PLXNA2: variants seen among roughly 807,000 people sequenced by gnomAD.
The protein encoded by PLXNA2 is plexin A2.
A neutral mutation model predicts 193.5 loss-of-function variants in PLXNA2; 91 were observed. The observed-to-expected ratio is 0.47, with a 90% confidence interval of 0.40 to 0.56. PLXNA2 has a LOEUF of 0.56. Ranked by LOEUF, PLXNA2 falls within the 20% of genes least tolerant of loss-of-function variation. The pLI, the probability that PLXNA2 is intolerant of heterozygous loss-of-function variation, is 0.00. For missense variants in PLXNA2, 1,995 were observed against 2,503.2 expected (o/e 0.80, Z 4.33); for synonymous variants, 997 against 1,027.3 (o/e 0.97, Z 0.56).
chr1:208,035,721 A>G (rs1179518346), intron 26 of PLXNA2, among the ~76,000 whole-genome samples: 1 of 152,180 alleles, frequency 6.6e-6, no homozygotes, highest in Admixed American at 6.5e-5. Flanking sequence ...ATTTTTATGA[A>G]CTTTATAAGT....
At chr1:208,089,802 C>A (rs1429749406) in intron 9 of PLXNA2, among the ~76,000 whole-genome samples, 1 of 152,022 alleles carries the variant, frequency 6.6e-6, no homozygotes, top group Non-Finnish European at 1.5e-5. Context: ...ATTCTAGGAA[C>A]CCCTAAAGAG....
intron 3 of PLXNA2, among the ~76,000 whole-genome samples, chr1:208,201,037 C>A (rs896695286): frequency 5.9e-5 from 9 of 152,318 alleles, no homozygotes; most frequent in Admixed American, 3.3e-4. Context: ...TAGGAGGAGT[C>A]ACTCTAGCAG....
chr1:208,177,923 C>G (rs747895581), intron 3 of PLXNA2, among the ~76,000 whole-genome samples: 1 of 152,212 alleles, frequency 6.6e-6, no homozygotes, highest in Non-Finnish European at 1.5e-5. Flanking sequence ...AGACTTTGCC[C>G]GTCTCTGGTT....
chr1:208,048,961 T>TAGG (rs1267192202), intron 17 of PLXNA2, among the ~76,000 whole-genome samples: 2 of 152,196 alleles, frequency 1.3e-5, no homozygotes, highest in Non-Finnish European at 2.9e-5. Context: ...ACTGCCCCTT[T>TAGG]CCACACTATC....
intron 4 of PLXNA2, among the ~76,000 whole-genome samples, chr1:208,134,852 C>T (rs1668256700): frequency 1.3e-5 from 2 of 152,178 alleles, no homozygotes; most frequent in African/African-American, 4.8e-5. Context: ...TGTGACTCCC[C>T]ACGTTTTTTC....
chr1:208,093,224 G>A (rs1053092228), intron 8 of PLXNA2, among the ~76,000 whole-genome samples: 2 of 152,182 alleles, frequency 1.3e-5, no homozygotes, highest in African/African-American at 4.8e-5. Context: ...GTTTGAAATC[G>A]GCCATGGTGG....
At chr1:208,040,240 G>A (rs1215637662) in intron 22 of PLXNA2, 182 bp from the exon 23 acceptor site, 6 of 601,460 alleles carry the variant, frequency 1.0e-5, no homozygotes, top group Non-Finnish European at 1.8e-5. Context: ...GGGGGTAGGG[G>A]TGGCTTCTTT....
At chr1:208,234,267 A>C (rs1487740110) in intron 1 of PLXNA2, among the ~76,000 whole-genome samples, 9 of 152,158 alleles carry the variant, frequency 5.9e-5, no homozygotes. Flanking sequence ...CCCGGGTAAA[A>C]GGTACTATTA....
intron 4 of PLXNA2, among the ~76,000 whole-genome samples, chr1:208,134,764 C>A (rs190933449): frequency 6.6e-6 from 1 of 152,142 alleles, no homozygotes; most frequent in Non-Finnish European, 1.5e-5. Flanking sequence ...GAAGCCTTAT[C>A]GCCTGGACTA....
chr1:208,213,164 T>TAA lies in PLXNA2; in HGVS notation c.1189-2704_1189-2703dup, dbSNP rs57234892. Among the ~76,000 whole-genome samples the TAA allele has an allele frequency of 1.1e-3, 161 of 147,804 alleles. 2 individuals are homozygous for TAA. The highest frequency in any genetic ancestry group is 3.6e-3 in the African/African-American group (145 of 40,358). On this transcript the variant is annotated intron_variant, in intron 2 of 31. Transcript: ENST00000367033. The stretch of plus-strand genomic sequence containing the variant: ...TTGATTCTAGTATCTCCAGAACTAT[T>TAA]AAAAAAAAAAAAGATTTATTCTCAG...
chr1:208,143,567 A>G (rs894123513), intron 3 of PLXNA2, among the ~76,000 whole-genome samples: 41 of 152,194 alleles, frequency 2.7e-4, no homozygotes, highest in African/African-American at 8.2e-4. Flanking sequence ...CAGTTTTTCT[A>G]GTTGTTAGTT....
intron 4 of PLXNA2, among the ~76,000 whole-genome samples, chr1:208,136,912 C>A (rs1668317687): frequency 6.6e-6 from 1 of 152,196 alleles, no homozygotes; most frequent in South Asian, 2.1e-4. Flanking sequence ...ATGTGTCAGA[C>A]ATGATGCTGG....
At chr1:208,209,608 T>A (rs1468877510) in intron 3 of PLXNA2, among the ~76,000 whole-genome samples, 2 of 152,160 alleles carry the variant, frequency 1.3e-5, no homozygotes, top group Non-Finnish European at 2.9e-5. Context: ...AGGCCTCCCA[T>A]GCTGCCATCC....
At chr1:208,238,997 T>C (rs1242692362) in intron 1 of PLXNA2, among the ~76,000 whole-genome samples, 12 of 152,204 alleles carry the variant, frequency 7.9e-5, no homozygotes, top group Admixed American at 7.2e-4. Flanking sequence ...TCACAACCCA[T>C]GCATCCCAGC....
At chr1:208,114,821 A>AGT (rs745733371) in intron 4 of PLXNA2, among the ~76,000 whole-genome samples, 2 of 151,972 alleles carry the variant, frequency 1.3e-5, no homozygotes, top group Non-Finnish European at 2.9e-5. Flanking sequence ...TGAGTAGATG[A>AGT]GTGTGTGTGT....
rs572004360 is a variant in PLXNA2, at chr1:208,045,085, G to A, written c.3621C>T (p.Thr1207=). The A allele has an allele frequency of 3.2e-5, 51 of 1,614,116 alleles. No individual in the cohort carries two copies. Among genetic ancestry groups the A allele is most frequent in the Non-Finnish European group, 4.1e-5 (48 of 1,180,010 alleles). The change falls in exon 19 of 32, where the codon ACC becomes ACT. Residue 1207 remains threonine, a synonymous_variant. Coordinates refer to ENST00000367033, the MANE Select transcript of PLXNA2 (RefSeq NM_025179.4). ...TQLLCEPPNL[T]GQHKVMVHVG... ...CACTCACCATGACCTTGTGCTGCCC[G>A]GTGAGGTTGGGAGGCTCGCAGAGAA...
chr1:208,041,583 GC>G (rs1473812515), intron 22 of PLXNA2, among the ~76,000 whole-genome samples: 2 of 152,212 alleles, frequency 1.3e-5, no homozygotes, highest in Admixed American at 6.5e-5. Flanking sequence ...GCCACTAGCT[GC>G]AATGTGGCAA....
intron 3 of PLXNA2, among the ~76,000 whole-genome samples, chr1:208,193,767 C>T (rs550858603): frequency 1.3e-5 from 2 of 152,210 alleles, no homozygotes; most frequent in Admixed American, 6.5e-5. Flanking sequence ...GTCGCTCACA[C>T]CTGTAATCCC....
intron 1 of PLXNA2, among the ~76,000 whole-genome samples, chr1:208,237,247 A>T (rs1357279720): frequency 6.6e-6 from 1 of 152,234 alleles, no homozygotes; most frequent in East Asian, 1.9e-4. Context: ...CAGCCCGAGG[A>T]GTGGACAGCC....
Sources: gnomAD v4.1 joint callset for allele counts (sites outside exome capture counted in the v4.1 genomes callset) on GRCh38, gnomAD v4.1.1 for gene constraint, MANE v1.5 for transcripts, NCBI Gene and HGNC (gene_info 2026-07-23, HGNC 2026-07-21) for gene names.